Variants in IGFL4 observed in about 807,000 individuals in gnomAD.
IGFL4 encodes the protein IGF like family member 4, also known as insulin growth factor-like family member 4.
Under a neutral mutation model 15.4 loss-of-function variants are expected in IGFL4, and 12 were observed. That is an observed-to-expected ratio of 0.78 (90% CI 0.50 to 1.26). The LOEUF (loss-of-function observed/expected upper bound fraction) is 1.26. IGFL4 is among the 50% of genes most tolerant of loss of function. The pLI, the probability that IGFL4 is intolerant of heterozygous loss-of-function variation, is 0.00. For synonymous variants in IGFL4, 54 were observed against 55.9 expected, an observed-to-expected ratio of 0.97 and a Z score of 0.16; for missense variants, 126 against 147.8, an observed-to-expected ratio of 0.85 and a Z score of 0.76.
At chr19:46,045,517 ATAAGC>A (rs1600669861), upstream of IGFL4, among the ~76,000 whole-genome samples, 1 of 152,158 alleles carries the variant, frequency 6.6e-6, no homozygotes, top group East Asian at 1.9e-4. Flanking sequence ...CCCATTGCAA[ATAAGC>A]TAAGAATCAT....
chr19:46,066,247 C>G (rs568324939), intron 1 of IGFL4, among the ~76,000 whole-genome samples: 3 of 152,262 alleles, frequency 2.0e-5, no homozygotes, highest in African/African-American at 4.8e-5. Flanking sequence ...TTCAGATGAG[C>G]AACAAAGAAA....
upstream of IGFL4, chr19:46,041,221 A>G: frequency 2.3e-6 from 1 of 438,030 alleles, no homozygotes; most frequent in Non-Finnish European, 4.0e-6. Flanking sequence ...AAGGCTACCC[A>G]GGAACCTATC....
At chr19:46,046,842 C>A (rs1404479748) in intron 2 of IGFL4, among the ~76,000 whole-genome samples, 2 of 152,076 alleles carry the variant, frequency 1.3e-5, no homozygotes, top group Non-Finnish European at 2.9e-5. Context: ...AATATTAGAT[C>A]ATCGAGACAG....
chr19:46,061,347 G>C (rs1969443264), intron 1 of IGFL4, among the ~76,000 whole-genome samples: 1 of 152,148 alleles, frequency 6.6e-6, no homozygotes, highest in African/African-American at 2.4e-5. Context: ...TTGTTTTTCT[G>C]AGAAAATATT....
upstream of IGFL4, among the ~76,000 whole-genome samples, chr19:46,043,432 T>C (rs1337710350): frequency 2.6e-5 from 4 of 152,138 alleles, no homozygotes; most frequent in African/African-American, 9.7e-5. Flanking sequence ...TTGTCTCAGA[T>C]AGAAGCAAAA....
chr19:46,043,202 C>T (rs1969263767), upstream of IGFL4, among the ~76,000 whole-genome samples: 1 of 152,122 alleles, frequency 6.6e-6, no homozygotes, highest in African/African-American at 2.4e-5. Context: ...TGCCCCCCTA[C>T]TGAAATTGAA....
At chr19:46,069,692 A>G (rs1311560540) in intron 1 of IGFL4, among the ~76,000 whole-genome samples, 1 of 152,150 alleles carries the variant, frequency 6.6e-6, no homozygotes, top group African/African-American at 2.4e-5. Flanking sequence ...TCTTTTTGAA[A>G]ATTATGTAGG....
At chr19:46,070,184 T>G (rs905521296) in intron 1 of IGFL4, among the ~76,000 whole-genome samples, 1 of 151,068 alleles carries the variant, frequency 6.6e-6, no homozygotes, top group Non-Finnish European at 1.5e-5. Flanking sequence ...ACTTGAGGAA[T>G]GCATGTGTTC....
chr19:46,051,276 G>A (rs898661744), intron 2 of IGFL4, among the ~76,000 whole-genome samples: 3 of 152,122 alleles, frequency 2.0e-5, no homozygotes, highest in African/African-American at 2.4e-5. Flanking sequence ...TGGGCACAGC[G>A]GCTCACACCT....
At chr19:46,046,145 CAT>C (rs762212428) in intron 2 of IGFL4, among the ~76,000 whole-genome samples, 2 of 152,160 alleles carry the variant, frequency 1.3e-5, no homozygotes, top group Non-Finnish European at 2.9e-5. Context: ...CCCAGGATTT[CAT>C]ATCCAGCCAA....
upstream of IGFL4, among the ~76,000 whole-genome samples, chr19:46,044,928 AC>A (rs1443372392): frequency 2.0e-5 from 3 of 152,190 alleles, no homozygotes; most frequent in Admixed American, 6.5e-5. Flanking sequence ...GAAAACACCA[AC>A]AACATCAGCA....
intron 1 of IGFL4, among the ~76,000 whole-genome samples, chr19:46,070,206 C>T (rs1367200989): frequency 6.6e-6 from 1 of 151,290 alleles, no homozygotes; most frequent in African/African-American, 2.4e-5. Context: ...TAGTGATTCA[C>T]ATCCACGGGA....
intron 2 of IGFL4, among the ~76,000 whole-genome samples, chr19:46,050,403 T>G (rs1969334739): frequency 6.6e-6 from 1 of 151,704 alleles, no homozygotes; most frequent in Non-Finnish European, 1.5e-5. Flanking sequence ...AAGTCCAACT[T>G]AAAGAAATAA....
intron 1 of IGFL4, among the ~76,000 whole-genome samples, chr19:46,063,166 CT>C (rs1225868532): frequency 1.3e-5 from 2 of 152,146 alleles, no homozygotes; most frequent in African/African-American, 4.8e-5. Context: ...GTAGAAAGAG[CT>C]TGGAGCTAGT....
rs574158797 is a variant in IGFL4, at chr19:46,056,056, C to T, written c.-323+4129G>A. On this transcript the variant is annotated intron_variant, in intron 2 of 5. Coordinates refer to the IGFL4 transcript ENST00000601672. ...CCTTCCAAAGCGCTGGCATTACAGG[C>T]GTGAGCCACCATACCCAGCCCAATT... 3.3e-5 allele frequency among the ~76,000 whole-genome samples: 5 copies of T among 152,256 alleles called. No individual in the cohort carries two copies. In the South Asian group the frequency reaches 6.2e-4, roughly 19 times the overall value.
intron 1 of IGFL4, among the ~76,000 whole-genome samples, chr19:46,064,011 G>T (rs558558221): frequency 6.6e-6 from 1 of 151,262 alleles, no homozygotes; most frequent in East Asian, 1.9e-4. Context: ...GGCGGAAGTT[G>T]CAGTGAGCCA....
upstream of IGFL4, among the ~76,000 whole-genome samples, chr19:46,045,952 A>G (rs548676360): frequency 1.3e-5 from 2 of 152,320 alleles, no homozygotes; most frequent in African/African-American, 4.8e-5. Context: ...TTACCCCAAG[A>G]CATATAATCA....
intron 1 of IGFL4, among the ~76,000 whole-genome samples, chr19:46,075,776 T>G (rs867485244): frequency 5.9e-5 from 9 of 152,342 alleles, no homozygotes; most frequent in Non-Finnish European, 1.0e-4. Context: ...AGTGAGGAGT[T>G]GGGCTTTCCT....
Position 46,039,826 on chromosome 19 carries a change from C to G in IGFL4, c.*66G>C. The stretch of plus-strand genomic sequence containing the variant: ...AACTCTGTCACAACAACAACAAAAT[C>G]AATGCAGTATAATTACCAAGTATTA... On this transcript the variant is annotated 3_prime_UTR_variant, in exon 4 of 4. Transcript: ENST00000377697. 3 of 1,351,800 alleles carry G rather than the reference C, an allele frequency of 2.2e-6. No individual in the cohort carries two copies. The South Asian group carries it at 3.5e-5, about 16-fold the overall frequency. 83.7% of individuals were successfully genotyped at this position (1,351,800 alleles called of 1,614,324 possible).
Sources: gnomAD v4.1 joint callset for allele counts (sites outside exome capture counted in the v4.1 genomes callset) on GRCh38, gnomAD v4.1.1 for gene constraint, MANE v1.5 for transcripts, NCBI Gene and HGNC (gene_info 2026-07-23, HGNC 2026-07-21) for gene names.